Variants in DLEC1 observed in about 807,000 individuals in gnomAD.
DLEC1 encodes DLEC1 cilia and flagella associated protein, also known as deleted in lung and esophageal cancer protein 1.
Under a neutral mutation model 198.1 loss-of-function variants are expected in DLEC1, and 146 were observed. The observed-to-expected ratio is 0.74, with a 90% CI of 0.64 to 0.85. The LOEUF is 0.85. Among genes scored for constraint, DLEC1 ranks in the 40% least tolerant of loss-of-function variants. The probability of loss-of-function intolerance (pLI) is 0.00; values close to 1 mark genes in which losing one functional copy is unlikely to be tolerated. For synonymous variants in DLEC1, 897 were observed against 866.8 expected, an observed-to-expected ratio of 1.03 and a Z score of -0.61; for missense variants, 2,233 against 2,220.0, an observed-to-expected ratio of 1.01 and a Z score of -0.12.
At chr3:38,121,903 G>A (rs1018751414) in intron 35 of DLEC1, 122 bp downstream of exon 35, 145 of 1,513,366 alleles carry the variant, frequency 9.6e-5, no homozygotes, top group Non-Finnish European at 1.3e-4. Context: ...GGCACCACTT[G>A]GAATTTCTGC....
intron 6 of DLEC1, among the ~76,000 whole-genome samples, chr3:38,071,028 G>GA (rs1254649299): frequency 6.6e-6 from 1 of 152,132 alleles, no homozygotes; most frequent in African/African-American, 2.4e-5. Context: ...TGGAGAGAGA[G>GA]AATGGGCGAT....
chr3:38,123,408 C>T lies in DLEC1; in HGVS notation c.*996C>T. On this transcript the variant is annotated 3_prime_UTR_variant, in exon 37 of 37. Coordinates refer to ENST00000308059, the MANE Select transcript of DLEC1 (RefSeq NM_007335.4). The stretch of plus-strand genomic sequence containing the variant: ...CATGTTCCCCTCCCCAGGGATCGAT[C>T]ATAATCCCAAAAGACACAATCCCAA... 1 of 358,036 alleles carries T rather than the reference C, an allele frequency of 2.8e-6. No individual in the cohort carries two copies. The highest frequency in any genetic ancestry group is 4.5e-5 in the Admixed American group (1 of 22,316). 22.2% of individuals were successfully genotyped at this position (358,036 alleles called of 1,614,324 possible).
intron 2 of DLEC1, among the ~76,000 whole-genome samples, chr3:38,058,384 C>T (rs186191156): frequency 1.3e-5 from 2 of 152,242 alleles, no homozygotes; most frequent in Admixed American, 1.3e-4. Context: ...GCCGCTTGCT[C>T]TTGAGTGTGT....
intron 27 of DLEC1, among the ~76,000 whole-genome samples, chr3:38,115,297 C>A (rs553216964): frequency 6.6e-6 from 1 of 152,344 alleles, no homozygotes; most frequent in South Asian, 2.1e-4. Flanking sequence ...CAGGACCTGA[C>A]CTGCCTGAGA....
intron 1 of DLEC1, 120 bp downstream of exon 1, chr3:38,039,756 C>G (rs1700567106): frequency 7.4e-7 from 1 of 1,346,110 alleles, no homozygotes. Context: ...TGAGAAACAG[C>G]CCATCATGCC....
Position 38,122,492 on chromosome 3 carries a change from A to G in DLEC1, c.*80A>G. 1 of 1,613,106 alleles carries G rather than the reference A, an allele frequency of 6.2e-7. No homozygotes were observed. Among genetic ancestry groups the G allele is most frequent in the Non-Finnish European group, 8.5e-7 (1 of 1,179,762 alleles). Reference sequence around the variant, plus strand: ...GGGATTAGGAGCAGCTCTTCAGCACAAAGACACAGACTTGGGGACCTGGGG... The same window carrying G: ...GGGATTAGGAGCAGCTCTTCAGCACGAAGACACAGACTTGGGGACCTGGGG... On this transcript the variant is annotated 3_prime_UTR_variant, in exon 37 of 37. Coordinates refer to ENST00000308059, the MANE Select transcript of DLEC1 (RefSeq NM_007335.4).
chr3:38,062,843 A>T (rs1391674093), intron 5 of DLEC1, 42 bp downstream of exon 5: 1 of 1,601,158 alleles, frequency 6.2e-7, no homozygotes, highest in Non-Finnish European at 8.5e-7. Flanking sequence ...AACCTGGCCC[A>T]TGAGAGTTAA....
intron 18 of DLEC1, 85 bp from the exon 19 acceptor site, chr3:38,100,201 C>T: frequency 6.8e-7 from 1 of 1,475,110 alleles, no homozygotes; most frequent in South Asian, 1.4e-5. Flanking sequence ...TTAGGAGTGA[C>T]TTTGGTTAGG....
intron 26 of DLEC1, 55 bp from the exon 27 acceptor site, chr3:38,114,928 C>T: frequency 1.3e-6 from 2 of 1,537,990 alleles, no homozygotes; most frequent in South Asian, 1.2e-5. Context: ...CTCCTCCCTA[C>T]CTGCAAGGTG....
At chr3:38,076,466 G>A (rs1042820231) in intron 6 of DLEC1, among the ~76,000 whole-genome samples, 2 of 152,040 alleles carry the variant, frequency 1.3e-5, no homozygotes, top group Non-Finnish European at 2.9e-5. Flanking sequence ...AAGGGGGTTT[G>A]TTCTCTGGCA....
intron 33 of DLEC1, among the ~76,000 whole-genome samples, chr3:38,118,685 G>A (rs1463718455): frequency 6.6e-6 from 1 of 151,890 alleles, no homozygotes; most frequent in African/African-American, 2.4e-5. Context: ...GGTAGACAGC[G>A]CCGCCCTGTC....
intron 19 of DLEC1, among the ~76,000 whole-genome samples, chr3:38,102,272 G>A (rs1699345266): frequency 6.6e-6 from 1 of 152,146 alleles, no homozygotes; most frequent in African/African-American, 2.4e-5. Flanking sequence ...AGCCAATCTG[G>A]CTCTTTGCAG....
At position 38,117,661 on chromosome 3, in the gene DLEC1, T is replaced by C. The variant is rs778010832; in HGVS notation, c.4485+50T>C. ...CCTGCCAGCTTACCTGGACCTCAGA[T>C]GTCTCTGTGTGCCCTTGTGGGACTC... On this transcript the variant is annotated intron_variant, in intron 32 of 36. Coordinates refer to ENST00000308059, the MANE Select transcript of DLEC1 (RefSeq NM_007335.4). 3 of 1,612,520 alleles carry C rather than the reference T, an allele frequency of 1.9e-6. No individual in the cohort carries two copies. The South Asian group carries it at 3.3e-5, about 18-fold the overall frequency.
rs1408521081 is a variant in DLEC1 at position 38,111,718 on chromosome 3, AAGAGCACCTGGCCAAGCG to A, written c.3492_3509del (p.His1164_Glu1169del). ...GCCCTGCTAAAGACAGTGCGGATGC[AAGAGCACCTGGCCAAGCG>A]AGAGCAGCTGGGTAAGCGCCACCAG... On this transcript the variant is annotated inframe_deletion, in exon 24 of 37. Transcript: ENST00000308059. 8 of 1,613,170 alleles carry A rather than the reference AAGAGCACCTGGCCAAGCG, an allele frequency of 5.0e-6. No homozygotes were observed. Among genetic ancestry groups the A allele is most frequent in the Non-Finnish European group, 6.8e-6 (8 of 1,179,826 alleles).
chr3:38,076,292 A>T lies in DLEC1; in HGVS notation c.1174-7866A>T, dbSNP rs532444366. On this transcript the variant is annotated intron_variant, in intron 6 of 36. Coordinates refer to ENST00000308059, the MANE Select transcript of DLEC1 (RefSeq NM_007335.4). ...AGGACCTGAGGTCGTAGGTGGTTTC[A>T]TGTGCGTCCGTGTGAAGAGACCACC... Among the ~76,000 whole-genome samples, 454 of 152,288 alleles carry T rather than the reference A, an allele frequency of 3.0e-3. 3 individuals carry two copies. Among genetic ancestry groups the T allele is most frequent in the African/African-American group, 0.011 (437 of 41,560 alleles).
chr3:38,056,342 C>A (rs1359406421), intron 2 of DLEC1, among the ~76,000 whole-genome samples: 1 of 152,114 alleles, frequency 6.6e-6, no homozygotes, highest in African/African-American at 2.4e-5. Context: ...CAGAGTCTTG[C>A]TGTGTTGCCC....
chr3:38,084,795 C>T (rs1045418004), intron 7 of DLEC1, among the ~76,000 whole-genome samples: 1 of 151,818 alleles, frequency 6.6e-6, no homozygotes, highest in African/African-American at 2.4e-5. Context: ...TTCTCCTGAC[C>T]GCCTCCACCC....
intron 10 of DLEC1, among the ~76,000 whole-genome samples, chr3:38,089,055 G>A (rs1698610844): frequency 6.6e-6 from 1 of 152,134 alleles, no homozygotes; most frequent in Non-Finnish European, 1.5e-5. Context: ...CATGTGACTG[G>A]GTGTGGGCTG....
intron 19 of DLEC1, among the ~76,000 whole-genome samples, chr3:38,107,140 A>T (rs957255767): frequency 6.6e-6 from 1 of 152,168 alleles, no homozygotes; most frequent in Non-Finnish European, 1.5e-5. Context: ...AGAGTTTAAA[A>T]ATCCTGGGGG....
Sources: gnomAD v4.1 joint callset for allele counts (sites outside exome capture counted in the v4.1 genomes callset) on GRCh38, gnomAD v4.1.1 for gene constraint, MANE v1.5 for transcripts, NCBI Gene and HGNC (gene_info 2026-07-23, HGNC 2026-07-21) for gene names.